GRM3: variants seen among roughly 807,000 people sequenced by gnomAD.
The protein encoded by GRM3 is glutamate metabotropic receptor 3, also known as metabotropic glutamate receptor 3.
In GRM3, 26 loss-of-function variants were observed where a neutral mutation model predicts 70.5. The observed-to-expected ratio is 0.37, with a 90% CI of 0.27 to 0.51. GRM3 has a LOEUF of 0.51. GRM3 is among the 20% of genes least tolerant of loss of function. The pLI is 0.93. For missense variants in GRM3, 859 were observed against 1,123.8 expected, an observed-to-expected ratio of 0.76 and a Z score of 3.37; for synonymous variants, 443 against 434.9, an observed-to-expected ratio of 1.02 and a Z score of -0.23.
Position 86,848,746 on chromosome 7 carries a change from C to A in GRM3, c.2392-1624C>A, listed in dbSNP as rs115822518. Among the ~76,000 whole-genome samples, 566 of 152,222 alleles carry A rather than the reference C, an allele frequency of 3.7e-3. 4 individuals carry two copies. The highest frequency in any genetic ancestry group is 0.013 in the African/African-American group (550 of 41,536). ...CCTTTGCTTTGATAAATTCTCAGAA[C>A]AAAGGACTACCTCAAGACAGTAGCA... On this transcript the variant is annotated intron_variant, in intron 4 of 5. Transcript: ENST00000361669.
chr7:86,690,344 A>C (rs1376173345), intron 1 of GRM3, among the ~76,000 whole-genome samples: 3 of 152,194 alleles, frequency 2.0e-5, no homozygotes, highest in Admixed American at 1.3e-4. Flanking sequence ...AAATTTTATC[A>C]TAATACAATA....
In GRM3 at chr7:86,799,590, G is replaced by A. The variant is rs186480606; in HGVS notation, c.1324+12474G>A. On this transcript the variant is annotated intron_variant, in intron 3 of 5. Transcript: ENST00000361669. ...CGCCCAGGCTGGAGTGCAGTGGTGC[G>A]ATCTCCGCTCACTGCAAGCTCCGCC... Among the ~76,000 whole-genome samples the A allele has an allele frequency of 5.6e-3, 849 of 152,012 alleles. 6 individuals are homozygous for A. Among genetic ancestry groups the A allele is most frequent in the African/African-American group, 7.8e-3 (325 of 41,448 alleles).
chr7:86,802,953 T>TC (rs1488080506), intron 3 of GRM3, among the ~76,000 whole-genome samples: 1 of 152,208 alleles, frequency 6.6e-6, no homozygotes, highest in Non-Finnish European at 1.5e-5. Flanking sequence ...TTCAGAGTTT[T>TC]CTATCACAAA....
intron 2 of GRM3, among the ~76,000 whole-genome samples, chr7:86,778,251 T>C (rs2237561): frequency 0.41 from 62,873 of 152,066 alleles, 15,955 homozygotes; most frequent in African/African-American, 0.73. Context: ...TGCCTCTTTG[T>C]CATCTGGAAT....
intron 1 of GRM3, among the ~76,000 whole-genome samples, chr7:86,718,811 T>C (rs1286523829): frequency 6.6e-6 from 1 of 151,952 alleles, no homozygotes; most frequent in African/African-American, 2.4e-5. Flanking sequence ...TAAACATTAC[T>C]GAAAAAAACT....
chr7:86,727,906 G>A (rs1795629340), intron 1 of GRM3, among the ~76,000 whole-genome samples: 1 of 152,162 alleles, frequency 6.6e-6, no homozygotes, highest in African/African-American at 2.4e-5. Context: ...TCAGAGTTGA[G>A]TAGTTGATAC....
intron 3 of GRM3, among the ~76,000 whole-genome samples, chr7:86,834,336 C>A (rs577804235): frequency 1.3e-5 from 2 of 152,152 alleles, no homozygotes; most frequent in Non-Finnish European, 2.9e-5. Flanking sequence ...AATTCTTTTC[C>A]TGTTGTATTT....
intron 3 of GRM3, among the ~76,000 whole-genome samples, chr7:86,801,168 T>C (rs1378308657): frequency 1.3e-5 from 2 of 149,752 alleles, no homozygotes; most frequent in African/African-American, 2.5e-5. Context: ...CCTCCCGAGT[T>C]CAAGCAATTC....
chr7:86,804,919 C>T (rs1797756608), intron 3 of GRM3, among the ~76,000 whole-genome samples: 1 of 152,110 alleles, frequency 6.6e-6, no homozygotes, highest in South Asian at 2.1e-4. Flanking sequence ...CAAGACCAGC[C>T]TAGGTAATAT....
At chr7:86,671,735 A>G (rs1794177949) in intron 1 of GRM3, among the ~76,000 whole-genome samples, 1 of 152,168 alleles carries the variant, frequency 6.6e-6, no homozygotes. Context: ...CCAACCCTTG[A>G]TTCAATTCTC....
At chr7:86,813,759 G>A (rs922021924) in intron 3 of GRM3, among the ~76,000 whole-genome samples, 5 of 151,648 alleles carry the variant, frequency 3.3e-5, no homozygotes, top group African/African-American at 7.3e-5. Context: ...CCTGCTATAC[G>A]ATCATGTTAA....
At position 86,710,920 on chromosome 7, in the gene GRM3, A is replaced by C. The variant is rs201988136; in HGVS notation, c.-140-54086A>C. 2.6e-5 allele frequency among the ~76,000 whole-genome samples: 4 copies of C among 152,182 alleles called. No individual in the cohort carries two copies. The East Asian group carries it at 5.8e-4, about 22-fold the overall frequency. On this transcript the variant is annotated intron_variant, in intron 1 of 5. Coordinates refer to ENST00000361669, the MANE Select transcript of GRM3 (RefSeq NM_000840.3). ...AGGCACAGAAAGGGTGCCTGAAGTC[A>C]CAGTGTTAGAAAAGTGTTAAAGCCC...
At chr7:86,701,002 A>G (rs1241709270) in intron 1 of GRM3, among the ~76,000 whole-genome samples, 1 of 151,946 alleles carries the variant, frequency 6.6e-6, no homozygotes, top group Non-Finnish European at 1.5e-5. Flanking sequence ...TTAATTTTTC[A>G]TAATCCCAAA....
At chr7:86,706,963 C>A (rs539436806) in intron 1 of GRM3, among the ~76,000 whole-genome samples, 91 of 152,040 alleles carry the variant, frequency 6.0e-4, no homozygotes, top group African/African-American at 2.2e-3. Context: ...TTTCAGTGAA[C>A]GTTATAACAT....
chr7:86,656,929 G>A (rs983704995), intron 1 of GRM3, among the ~76,000 whole-genome samples: 10 of 151,976 alleles, frequency 6.6e-5, no homozygotes, highest in Admixed American at 3.9e-4. Context: ...CTTGTCTGTC[G>A]TTTTTAGCAG....
intron 3 of GRM3, among the ~76,000 whole-genome samples, chr7:86,801,254 C>A (rs1236476314): frequency 2.0e-5 from 3 of 151,562 alleles, no homozygotes; most frequent in South Asian, 4.2e-4. Context: ...TATTTTTAGT[C>A]GAGACGGGGT....
rs186493663 is a variant in GRM3, at chr7:86,815,231, G to A, written c.1325-23608G>A. On this transcript the variant is annotated intron_variant, in intron 3 of 5. Coordinates refer to ENST00000361669, the MANE Select transcript of GRM3 (RefSeq NM_000840.3). ...ACAGAACACGTATCTACTTACAGGA[G>A]CTTGCCTTCACATTAGGAAAATGCT... Among the ~76,000 whole-genome samples the A allele has an allele frequency of 1.1e-3, 167 of 151,846 alleles. 2 individuals are homozygous for A. The highest frequency in any genetic ancestry group is 3.8e-3 in the African/African-American group (156 of 41,460).
chr7:86,668,322 G>A (rs1794083424), intron 1 of GRM3, among the ~76,000 whole-genome samples: 1 of 151,722 alleles, frequency 6.6e-6, no homozygotes, highest in East Asian at 1.9e-4. Flanking sequence ...AGGTAATCAA[G>A]TCTATATTCA....
chr7:86,709,722 A>G (rs997460299), intron 1 of GRM3, among the ~76,000 whole-genome samples: 1 of 152,092 alleles, frequency 6.6e-6, no homozygotes, highest in African/African-American at 2.4e-5. Flanking sequence ...GTAGATACCA[A>G]AGTTCTATAA....
Sources: gnomAD v4.1 joint callset for allele counts (sites outside exome capture counted in the v4.1 genomes callset) on GRCh38, gnomAD v4.1.1 for gene constraint, MANE v1.5 for transcripts, NCBI Gene and HGNC (gene_info 2026-07-23, HGNC 2026-07-21) for gene names.